CACNA1F: variants seen among roughly 807,000 people sequenced by gnomAD.
CACNA1F encodes calcium voltage-gated channel subunit alpha1 F.
In CACNA1F, 59 loss-of-function variants were observed where a neutral mutation model predicts 143.8. That is an observed-to-expected ratio of 0.41 (90% CI 0.33 to 0.51). The LOEUF (loss-of-function observed/expected upper bound fraction) is 0.51. CACNA1F is among the 20% of genes least tolerant of loss of function. The pLI is 0.22. For missense variants in CACNA1F, 1,411 were observed against 1,647.5 expected (o/e 0.86, Z 2.48); for synonymous variants, 643 against 649.1 (o/e 0.99, Z 0.14).
At position 49,212,290 on chromosome X, in the gene CACNA1F, G is replaced by T; in HGVS notation, c.3961C>A (p.Leu1321Ile). 8.3e-7 allele frequency: 1 copy of T among 1,205,862 alleles called. No individual in the cohort carries two copies. The highest frequency in any genetic ancestry group is 1.1e-6 in the Non-Finnish European group (1 of 890,353). ...KSFQALPYVA[L>I]LIAMIFFIYA... ...ATGAAGAATATCATTGCGATGAGAA[G>T]AGCCACATAGGGCAAGGCCTATAGG... Residue 1321 changes from leucine (L) to isoleucine (I), a missense_variant, in exon 34 of 48, where the codon CTT (leucine) becomes ATT (isoleucine). By Grantham distance (5) the Leu-to-Ile change is conservative. Around this residue, in one of 3 missense-constraint regions of CACNA1F, gnomAD observed 950 missense variants for 1,128.1 expected, o/e 0.84. Coordinates refer to ENST00000323022, the MANE Select transcript of CACNA1F (RefSeq NM_001256789.3).
intron 31 of CACNA1F, 43 bp downstream of exon 31, chrX:49,213,776 G>T: frequency 1.1e-6 from 1 of 934,097 alleles, no homozygotes; most frequent in Non-Finnish European, 1.6e-6. Flanking sequence ...GTGAGGGAAG[G>T]TGTATAGGGC....
At chrX:49,217,703 G>T in intron 26 of CACNA1F, 52 bp downstream of exon 26, 2 of 1,062,432 alleles carry the variant, frequency 1.9e-6, no homozygotes, top group South Asian at 3.7e-5. Context: ...AGGCTCTAAA[G>T]TCTTTGGGAG....
chrX:49,208,534 C>T lies in CACNA1F; in HGVS notation c.5104G>A (p.Ala1702Thr), dbSNP rs782384547. ...TAATACCTGTGGGTGTTGGATCCAG[C>T]CTGGGGCACACTGGGCTGACTGGAG... ...PTSSQPSVPQ[A>T]GSNTHRRGSG... The change falls in exon 43 of 48, where the codon GCT becomes ACT. Residue 1702 changes from alanine (A) to threonine (T), a missense_variant. By Grantham distance (58) the Ala-to-Thr change is moderately conservative. Transcript: ENST00000323022. 23 of 1,205,859 alleles carry T rather than the reference C, an allele frequency of 1.9e-5. No homozygotes were observed. Among genetic ancestry groups the T allele is most frequent in the Non-Finnish European group, 2.6e-5 (23 of 893,594 alleles).
Position 49,213,882 on chromosome X carries a change from C to A in CACNA1F, c.3729G>T (p.Trp1243Cys), listed in dbSNP as rs1470900683. The A allele has an allele frequency of 1.0e-5, 12 of 1,198,148 alleles. No homozygotes were observed. Among genetic ancestry groups the A allele is most frequent in the Non-Finnish European group, 1.4e-5 (12 of 884,956 alleles). ...CCACAATAAGAGCGTCAAACGTGTT[C>A]CAGGCATCAGTGAAGTAATGCTGCA... ...FKPKHYFTDA[W>C]NTFDALIVVG... is the part of the protein sequence containing the mutation. The change falls in exon 31 of 48, where the codon TGG (tryptophan) becomes TGT (cysteine). Residue 1243 changes from tryptophan (W) to cysteine (C), a missense_variant. By Grantham distance (215) the Trp-to-Cys change is radical (BLOSUM62 -2). This residue lies in a region of CACNA1F where 950 missense variants were observed against 1,128.1 expected (regional missense o/e 0.84). Transcript: ENST00000323022.
intron 6 of CACNA1F, among the ~76,000 whole-genome samples, chrX:49,229,537 A>G (rs1276111232): frequency 8.9e-6 from 1 of 111,908 alleles, no homozygotes; most frequent in African/African-American, 3.3e-5. Flanking sequence ...CTGGTAGCAA[A>G]CTCCTGGGCG....
chrX:49,213,762 A>C, intron 31 of CACNA1F, 57 bp downstream of exon 31: 1 of 840,628 alleles, frequency 1.2e-6, no homozygotes. Flanking sequence ...ACCCCGGGAT[A>C]GAGGTGAGGG....
rs782576153 is a variant in CACNA1F at position 49,218,428 on chromosome X, C to T, written c.2928+27G>A. 23 of 1,129,391 alleles carry T rather than the reference C, an allele frequency of 2.0e-5. No individual in the cohort carries two copies. In the African/African-American group the frequency reaches 2.7e-4, roughly 13 times the overall value. The allele number at this position is 1,129,391 out of a possible 1,213,427, so 93.1% of individuals were successfully genotyped here. ...CCAGGGGCAGGGCAGGGCCTGGGTCCTGTGGGTTTGGGTGGGGTGGGGTTA... is the reference window on the plus strand; with the variant it reads ...CCAGGGGCAGGGCAGGGCCTGGGTCTTGTGGGTTTGGGTGGGGTGGGGTTA... On this transcript the variant is annotated intron_variant, in intron 24 of 47. Transcript: ENST00000323022.
Position 49,231,932 on chromosome X carries a change from A to G in CACNA1F, c.26-5T>C. ...GACTGGGCTCTGGGGTGGTGTCTAT[A>G]TGGAGAAACTGTGTCAGGGAGGGAC... On this transcript the variant is annotated splice_region_variant and splice_polypyrimidine_tract_variant and intron_variant, in intron 1 of 47. Coordinates refer to ENST00000323022, the MANE Select transcript of CACNA1F (RefSeq NM_001256789.3). 1 of 1,172,100 alleles carries G rather than the reference A, an allele frequency of 8.5e-7. No homozygotes were observed. The highest frequency in any genetic ancestry group is 1.8e-5 in the African/African-American group (1 of 56,923).
Position 49,206,993 on chromosome X carries a change from T to C in CACNA1F, c.5231+12A>G, listed in dbSNP as rs1557105071. 2 of 1,123,782 alleles carry C rather than the reference T, an allele frequency of 1.8e-6. No individual in the cohort carries two copies. The highest frequency in any genetic ancestry group is 6.1e-5 in the East Asian group (2 of 32,922). 92.6% of individuals were successfully genotyped at this position (1,123,782 alleles called of 1,213,427 possible). A position where few individuals can be genotyped will look rare whatever the true frequency, so the allele number is the denominator to read the frequency against. Reference sequence around the variant, plus strand: ...GCTCATGGGTTCATCCCATGTGGCATGGCCAGTGTACCGATCAGGGACTTC... The same window carrying C: ...GCTCATGGGTTCATCCCATGTGGCACGGCCAGTGTACCGATCAGGGACTTC... On this transcript the variant is annotated intron_variant, in intron 44 of 47. Transcript: ENST00000323022.
rs199570194 is a variant in CACNA1F, at chrX:49,218,867, G to A, written c.2733+15C>T. ...CCAGGGCAACTGAGGGTAGGACTGG[G>A]GTCCCATTAGTCACCTTTAGTAGAA... On this transcript the variant is annotated intron_variant, in intron 22 of 47. Transcript: ENST00000323022. The A allele has an allele frequency of 3.5e-3, 4,134 of 1,183,406 alleles. 6 individuals are homozygous for A. Among genetic ancestry groups the A allele is most frequent in the Non-Finnish European group, 4.3e-3 (3,751 of 873,053 alleles).
Position 49,206,344 on chromosome X carries a change from G to C in CACNA1F, c.5472+167C>G, listed in dbSNP as rs1363460378. Among the ~76,000 whole-genome samples the C allele has an allele frequency of 3.6e-5, 3 of 84,155 alleles. No individual in the cohort carries two copies. In the Admixed American group the frequency reaches 5.3e-4, roughly 15 times the overall value. 73.1% of individuals were successfully genotyped at this position (84,155 alleles called of 115,157 possible). On this transcript the variant is annotated intron_variant, in intron 46 of 47. Coordinates refer to ENST00000323022, the MANE Select transcript of CACNA1F (RefSeq NM_001256789.3). ...GGAGGCAGGGGTTACAGTGAGCCAAGATCTCAACACTGTACTCCAGCCTGG... is the reference window on the plus strand; with the variant it reads ...GGAGGCAGGGGTTACAGTGAGCCAACATCTCAACACTGTACTCCAGCCTGG...
intron 43 of CACNA1F, among the ~76,000 whole-genome samples, chrX:49,207,499 C>G (rs996604854): frequency 1.9e-4 from 21 of 111,351 alleles, no homozygotes; most frequent in African/African-American, 6.9e-4. Flanking sequence ...GGCATGATCT[C>G]AGCTCACTGC....
chrX:49,221,094 TA>T lies in CACNA1F; in HGVS notation c.2289-15del. 1.7e-6 allele frequency: 2 copies of T among 1,194,783 alleles called. No individual in the cohort carries two copies. Among genetic ancestry groups the T allele is most frequent in the Non-Finnish European group, 2.3e-6 (2 of 880,521 alleles). On this transcript the variant is annotated splice_polypyrimidine_tract_variant and intron_variant, in intron 17 of 47. Transcript: ENST00000323022. ...TTGCTCTTCTCCCTGTGCGAGGAAA[TA>T]GGGGTGATTGCTGCAGATGGGCTAA...
intron 7 of CACNA1F, 26 bp from the exon 8 acceptor site, chrX:49,228,165 C>T: frequency 8.4e-7 from 1 of 1,187,979 alleles, no homozygotes; most frequent in Non-Finnish European, 1.1e-6. Context: ...GCATGCATCC[C>T]TCAGGGTAGG....
At chrX:49,231,574 C>A in intron 2 of CACNA1F, 104 bp downstream of exon 2, 1 of 1,055,291 alleles carries the variant, frequency 9.5e-7, no homozygotes. Context: ...GACTCTTGAC[C>A]TTGATGATCT....
intron 1 of CACNA1F, among the ~76,000 whole-genome samples, chrX:49,232,992 G>A (rs2147927767): frequency 9.1e-6 from 1 of 110,270 alleles, no homozygotes; most frequent in African/African-American, 3.3e-5. Flanking sequence ...TTTGTGTTAG[G>A]TTTCAGGTGG....
intron 26 of CACNA1F, among the ~76,000 whole-genome samples, 154 bp downstream of exon 26, chrX:49,217,601 G>A (rs987994514): frequency 1.0e-4 from 11 of 110,180 alleles, no homozygotes; most frequent in East Asian, 5.7e-4. Flanking sequence ...GGGAGGTATC[G>A]GGGGGCCGCC....
chrX:49,227,760 CTA>C (rs782408099), intron 8 of CACNA1F, among the ~76,000 whole-genome samples: 79 of 112,422 alleles, frequency 7.0e-4, no homozygotes, highest in Non-Finnish European at 1.2e-3. Flanking sequence ...ATATAAAACA[CTA>C]TATATATGTG....
intron 37 of CACNA1F, 78 bp downstream of exon 37, chrX:49,210,887 C>T (rs782166593): frequency 1.3e-5 from 14 of 1,064,852 alleles, no homozygotes; most frequent in Middle Eastern, 3.0e-4. Context: ...ATGCAGCAGT[C>T]GGAGGTTTGG....
Sources: allele counts gnomAD v4.1 joint callset (sites outside exome capture counted in the v4.1 genomes callset), GRCh38; gene constraint gnomAD v4.1.1; regional missense constraint gnomAD v4.1.1; transcripts MANE v1.5; gene names NCBI Gene and HGNC (gene_info 2026-07-23, HGNC 2026-07-21).